ARHGAP20: variants seen among roughly 807,000 people sequenced by gnomAD.
ARHGAP20 encodes the protein rho GTPase-activating protein 20.
In ARHGAP20, 34 loss-of-function variants were observed where a neutral mutation model predicts 73.7. The ratio of observed to expected loss-of-function variants is 0.46; its 90% CI spans 0.35 to 0.61. The LOEUF (loss-of-function observed/expected upper bound fraction) is 0.61. ARHGAP20 is among the 20% of genes least tolerant of loss of function. ARHGAP20 has a pLI of 0.00. For missense variants in ARHGAP20, 1,314 were observed against 1,420.9 expected, an observed-to-expected ratio of 0.92 and a Z score of 1.21; for synonymous variants, 523 against 518.2, an observed-to-expected ratio of 1.01 and a Z score of -0.13.
intron 3 of ARHGAP20, among the ~76,000 whole-genome samples, chr11:110,629,561 T>A (rs1509320): frequency 0.33 from 50,618 of 152,000 alleles, 9,049 homozygotes; most frequent in African/African-American, 0.45. Flanking sequence ...TACCATATCC[T>A]CTCCAAAACT....
rs1947329917 is a variant in ARHGAP20, at chr11:110,577,873, A to C, written c.*1497T>G. The C allele has an allele frequency of 2.0e-6, 2 of 985,782 alleles. No homozygotes were observed. The highest frequency in any genetic ancestry group is 9.4e-5 in the South Asian group (2 of 21,286). The allele number at this position is 985,782 out of a possible 1,614,324, so 61.1% of individuals were successfully genotyped here. A position where few individuals can be genotyped will look rare whatever the true frequency, so the allele number is the denominator to read the frequency against. On this transcript the variant is annotated 3_prime_UTR_variant, in exon 15 of 15. Transcript: ENST00000683387. ...CTATAACTGAAAATGCAACCTTTAGAACAAAAAAGAAAGAACATTTGATAT... is the reference window on the plus strand; with the variant it reads ...CTATAACTGAAAATGCAACCTTTAGCACAAAAAAGAAAGAACATTTGATAT...
chr11:110,649,895 G>A (rs1485784467), intron 2 of ARHGAP20, among the ~76,000 whole-genome samples: 1 of 151,818 alleles, frequency 6.6e-6, no homozygotes, highest in Non-Finnish European at 1.5e-5. Context: ...AATGAAATAG[G>A]TCATAATGAA....
In ARHGAP20 at chr11:110,578,148, G is replaced by A; in HGVS notation, c.*1222C>T. 1.0e-6 allele frequency: 1 copy of A among 985,442 alleles called. No individual in the cohort carries two copies. The highest frequency in any genetic ancestry group is 1.2e-6 in the Non-Finnish European group (1 of 829,944). The allele number at this position is 985,442 out of a possible 1,614,324, so 61.0% of individuals were successfully genotyped here. A position where few individuals can be genotyped will look rare whatever the true frequency, so the allele number is the denominator to read the frequency against. Reference sequence around the variant, plus strand: ...CTGCAACCTTTAAGTCAAGAAAGCAGAGAAAGAAAGGTCCATGGATATAAA... The same window carrying A: ...CTGCAACCTTTAAGTCAAGAAAGCAAAGAAAGAAAGGTCCATGGATATAAA... On this transcript the variant is annotated 3_prime_UTR_variant, in exon 15 of 15. Transcript: ENST00000683387.
intron 3 of ARHGAP20, among the ~76,000 whole-genome samples, chr11:110,628,042 A>T (rs4938088): frequency 0.33 from 50,672 of 152,052 alleles, 9,084 homozygotes; most frequent in African/African-American, 0.45. Flanking sequence ...ATTTAGTCAA[A>T]AGAAGGAAGT....
intron 2 of ARHGAP20, among the ~76,000 whole-genome samples, chr11:110,687,500 A>T (rs910977749): frequency 6.6e-6 from 1 of 152,114 alleles, no homozygotes; most frequent in Admixed American, 6.6e-5. Context: ...GTATATTATT[A>T]TATTGGTTCT....
intron 9 of ARHGAP20, among the ~76,000 whole-genome samples, chr11:110,602,280 T>G (rs1177474238): frequency 6.6e-6 from 1 of 152,172 alleles, no homozygotes; most frequent in Non-Finnish European, 1.5e-5. Flanking sequence ...CTTCTTCTAA[T>G]GTTAAATTTT....
intron 9 of ARHGAP20, among the ~76,000 whole-genome samples, chr11:110,600,611 G>A (rs1420462231): frequency 1.3e-5 from 2 of 152,242 alleles, no homozygotes; most frequent in Non-Finnish European, 2.9e-5. Context: ...GAACCCAGTG[G>A]CCTGAGCAAA....
At position 110,592,044 on chromosome 11, in the gene ARHGAP20, G is replaced by A. The variant is rs1258805296; in HGVS notation, c.1076C>T (p.Pro359Leu). 1 of 1,614,012 alleles carries A rather than the reference G, an allele frequency of 6.2e-7. No homozygotes were observed. The highest frequency in any genetic ancestry group is 1.3e-5 in the African/African-American group (1 of 74,910). ...CAGAGAAATTCCAAAGAGCTGTCCT[G>A]GCATAGGTGATGTTGGCGATGAGGG... is the stretch of plus-strand genomic sequence containing the variant. ...NLPSSPTSPMPGQLFGISLPN... is the reference protein window; with the variant it reads ...NLPSSPTSPMLGQLFGISLPN... The change falls in exon 10 of 15, where the codon CCA becomes CTA. Residue 359 changes from proline (P) to leucine (L), a missense_variant. Around this residue, in one of 3 missense-constraint regions of ARHGAP20, gnomAD observed 443 missense variants for 466.4 expected, o/e 0.95. Coordinates refer to ENST00000683387, the MANE Select transcript of ARHGAP20 (RefSeq NM_001384657.1).
chr11:110,638,933 T>A (rs1168153332), intron 2 of ARHGAP20, among the ~76,000 whole-genome samples: 1 of 151,988 alleles, frequency 6.6e-6, no homozygotes, highest in Non-Finnish European at 1.5e-5. Flanking sequence ...CACACCAACA[T>A]GGCACATGAA....
chr11:110,683,922 A>G (rs1038779056), intron 2 of ARHGAP20, among the ~76,000 whole-genome samples: 5 of 152,162 alleles, frequency 3.3e-5, no homozygotes, highest in Non-Finnish European at 1.5e-5. Flanking sequence ...CAGAGCCCTT[A>G]TGAAGAGAAT....
chr11:110,641,744 T>A (rs769097847), intron 2 of ARHGAP20, among the ~76,000 whole-genome samples: 1 of 151,930 alleles, frequency 6.6e-6, no homozygotes, highest in African/African-American at 2.4e-5. Context: ...AAAACCTTCA[T>A]TATGAAAGAA....
At chr11:110,688,413 T>A (rs751361678) in intron 2 of ARHGAP20, among the ~76,000 whole-genome samples, 3 of 152,142 alleles carry the variant, frequency 2.0e-5, no homozygotes, top group Non-Finnish European at 4.4e-5. Flanking sequence ...AAAGCTTCTA[T>A]AAGGACTACT....
At chr11:110,593,142 T>G (rs1947870617) in intron 9 of ARHGAP20, among the ~76,000 whole-genome samples, 1 of 152,088 alleles carries the variant, frequency 6.6e-6, no homozygotes, top group African/African-American at 2.4e-5. Flanking sequence ...TTCCATCTAG[T>G]GAGTACTCAC....
chr11:110,657,731 C>T (rs1374265692), intron 2 of ARHGAP20, among the ~76,000 whole-genome samples: 5 of 151,854 alleles, frequency 3.3e-5, no homozygotes, highest in African/African-American at 4.8e-5. Context: ...CCCATCTCTA[C>T]GAAAAATACA....
At position 110,624,552 on chromosome 11, in the gene ARHGAP20, T is replaced by A. The variant is rs143232503; in HGVS notation, c.354-241A>T. ...AAGGGGAGGGAACTTAGAGGACGGGTCAATAGGAACAGCAAACCACCATGG... is the reference window on the plus strand; with the variant it reads ...AAGGGGAGGGAACTTAGAGGACGGGACAATAGGAACAGCAAACCACCATGG... On this transcript the variant is annotated intron_variant, in intron 3 of 14. Transcript: ENST00000683387. Among the ~76,000 whole-genome samples, 293 of 151,280 alleles carry A rather than the reference T, an allele frequency of 1.9e-3. 1 individual carries two copies. The South Asian group carries it at 0.022, about 11-fold the overall frequency.
Position 110,590,753 on chromosome 11 carries a change from T to C in ARHGAP20, c.1200A>G (p.Gln400=), listed in dbSNP as rs769167270. Reference sequence around the variant, plus strand: ...CTCTGCAGGATTTCACATTGGCTGATTGCCTGAAGATACCTTTGGTGAGAG... The same window carrying C: ...CTCTGCAGGATTTCACATTGGCTGACTGCCTGAAGATACCTTTGGTGAGAG... The part of the protein sequence containing the change: ...KGPLTKGIFR[Q]SANVKSCREL... The change falls in exon 11 of 15, where the codon CAA becomes CAG. Residue 400 remains glutamine, a synonymous_variant. Transcript: ENST00000683387. The C allele has an allele frequency of 1.5e-5, 25 of 1,614,096 alleles. No homozygotes were observed. Among genetic ancestry groups the C allele is most frequent in the Non-Finnish European group, 1.9e-5 (22 of 1,180,012 alleles).
chr11:110,703,222 G>A (rs1004555679), intron 1 of ARHGAP20, among the ~76,000 whole-genome samples: 2 of 152,114 alleles, frequency 1.3e-5, no homozygotes, highest in South Asian at 2.1e-4. Flanking sequence ...ACAGACTACT[G>A]TAAATGAATA....
At chr11:110,699,822 A>G (rs1487363146) in intron 1 of ARHGAP20, among the ~76,000 whole-genome samples, 1 of 151,888 alleles carries the variant, frequency 6.6e-6, no homozygotes, top group African/African-American at 2.4e-5. Flanking sequence ...TGTCCTCCTT[A>G]GGGTTTTCAC....
At chr11:110,643,605 T>C (rs1591130599) in intron 2 of ARHGAP20, among the ~76,000 whole-genome samples, 1 of 152,136 alleles carries the variant, frequency 6.6e-6, no homozygotes, top group African/African-American at 2.4e-5. Flanking sequence ...CTGATTTCTA[T>C]TTTTATTGCA....
Sources: allele counts gnomAD v4.1 joint callset (sites outside exome capture counted in the v4.1 genomes callset), GRCh38; gene constraint gnomAD v4.1.1; regional missense constraint gnomAD v4.1.1; transcripts MANE v1.5; gene names NCBI Gene and HGNC (gene_info 2026-07-23, HGNC 2026-07-21).